The following ANXA13 variants were observed in gnomAD, a reference collection of about 807,000 sequenced individuals.
The protein encoded by ANXA13 is annexin A13.
Under a neutral mutation model 46.6 loss-of-function variants are expected in ANXA13, and 36 were observed. The ratio of observed to expected loss-of-function variants is 0.77; its 90% CI spans 0.59 to 1.02. The LOEUF (loss-of-function observed/expected upper bound fraction) is 1.02. ANXA13 is among the 50% of genes least tolerant of loss of function. The probability of loss-of-function intolerance (pLI) is 0.00; values close to 1 mark genes in which losing one functional copy is unlikely to be tolerated. For missense variants in ANXA13, 417 were observed against 396.5 expected (o/e 1.05, Z -0.44); for synonymous variants, 163 against 152.9 (o/e 1.07, Z -0.49).
Position 123,691,189 on chromosome 8 carries a change from C to T in ANXA13, c.642+2008G>A, listed in dbSNP as rs922933126. Among the ~76,000 whole-genome samples, 33 of 152,218 alleles carry T rather than the reference C, an allele frequency of 2.2e-4. 1 individual carries two copies. Among genetic ancestry groups the T allele is most frequent in the African/African-American group, 7.9e-4 (33 of 41,520 alleles). ...TGAAAATTAAAATTCAACCCTAAGC[C>T]AGGACGACTCATGCCACATAAGAAA... On this transcript the variant is annotated intron_variant, in intron 8 of 10. Coordinates refer to ENST00000419625, the MANE Select transcript of ANXA13 (RefSeq NM_004306.4).
At chr8:123,707,959 C>T (rs772308429) in intron 2 of ANXA13, among the ~76,000 whole-genome samples, 21 of 152,106 alleles carry the variant, frequency 1.4e-4, no homozygotes, top group East Asian at 5.8e-4. Context: ...ACAACCTGGA[C>T]GTCGGGGGAG....
At chr8:123,706,777 A>C (rs568924286) in intron 2 of ANXA13, among the ~76,000 whole-genome samples, 1 of 152,320 alleles carries the variant, frequency 6.6e-6, no homozygotes, top group East Asian at 1.9e-4. Context: ...AGGGGGGCCT[A>C]TGGGGCCTTT....
At chr8:123,720,316 C>T (rs1813838754) in intron 1 of ANXA13, among the ~76,000 whole-genome samples, 1 of 152,106 alleles carries the variant, frequency 6.6e-6, no homozygotes, top group South Asian at 2.1e-4. Flanking sequence ...TTTGCCTGGG[C>T]TTGTTAAGCA....
rs60977556 is a variant in ANXA13, at chr8:123,715,297, T to C, written c.16-2544A>G. Among the ~76,000 whole-genome samples, 501 of 152,362 alleles carry C rather than the reference T, an allele frequency of 3.3e-3. 2 individuals carry two copies. The highest frequency in any genetic ancestry group is 0.012 in the African/African-American group (490 of 41,590). On this transcript the variant is annotated intron_variant, in intron 1 of 10. Transcript: ENST00000419625. ...TGCAGTTGCAGAGGCTGCACACTTA[T>C]AAAGGCCACCCTACTTTTGATCAAA...
intron 8 of ANXA13, among the ~76,000 whole-genome samples, 155 bp downstream of exon 8, chr8:123,693,042 A>G (rs1306215109): frequency 6.6e-6 from 1 of 152,174 alleles, no homozygotes; most frequent in Non-Finnish European, 1.5e-5. Flanking sequence ...AATTCTAGAC[A>G]TTATCAAATA....
At chr8:123,699,159 G>A (rs1299136362) in intron 3 of ANXA13, among the ~76,000 whole-genome samples, 1 of 152,150 alleles carries the variant, frequency 6.6e-6, no homozygotes, top group Non-Finnish European at 1.5e-5. Context: ...AGAAGGGGAA[G>A]TACATGGAAT....
intron 10 of ANXA13, among the ~76,000 whole-genome samples, chr8:123,681,608 C>G (rs1054579866): frequency 1.7e-4 from 25 of 147,906 alleles, no homozygotes; most frequent in Middle Eastern, 3.2e-3. Context: ...TCCACTAAAA[C>G]TCTTGAATTT....
intron 9 of ANXA13, among the ~76,000 whole-genome samples, chr8:123,685,048 T>C (rs1813116121): frequency 6.6e-6 from 1 of 152,224 alleles, no homozygotes; most frequent in Admixed American, 6.5e-5. Flanking sequence ...AAATCTCTGG[T>C]GCTGTCCTAG....
At chr8:123,736,479 A>G (rs542449345) in intron 1 of ANXA13, among the ~76,000 whole-genome samples, 2 of 152,340 alleles carry the variant, frequency 1.3e-5, no homozygotes, top group East Asian at 3.9e-4. Context: ...GAGCCTAAAC[A>G]TTTCAAAAGA....
chr8:123,696,476 TG>T (rs1313692222), intron 4 of ANXA13, among the ~76,000 whole-genome samples: 2 of 152,210 alleles, frequency 1.3e-5, no homozygotes, highest in Non-Finnish European at 2.9e-5. Context: ...TTTCAATGTC[TG>T]GTGCCAAGGG....
chr8:123,689,715 G>C (rs536580157), intron 8 of ANXA13, among the ~76,000 whole-genome samples: 1 of 152,094 alleles, frequency 6.6e-6, no homozygotes, highest in African/African-American at 2.4e-5. Flanking sequence ...AATACTGCCC[G>C]GGCCAAGCTC....
At chr8:123,704,492 G>C (rs376202430) in intron 2 of ANXA13, among the ~76,000 whole-genome samples, 1 of 152,062 alleles carries the variant, frequency 6.6e-6, no homozygotes, top group African/African-American at 2.4e-5. Flanking sequence ...CACCTCCTGG[G>C]TTCAAACAAT....
At chr8:123,734,285 A>G (rs1814199503) in intron 1 of ANXA13, among the ~76,000 whole-genome samples, 1 of 152,154 alleles carries the variant, frequency 6.6e-6, no homozygotes, top group African/African-American at 2.4e-5. Flanking sequence ...CTAGATAGTG[A>G]TTCTTGTGAA....
intron 1 of ANXA13, chr8:123,735,936 C>T: frequency 6.6e-7 from 1 of 1,508,100 alleles, no homozygotes; most frequent in Non-Finnish European, 8.9e-7. Flanking sequence ...CCAGCTGCTC[C>T]CTAGGTTGAC....
In ANXA13 at chr8:123,681,269, G is replaced by A. The variant is rs143112749; in HGVS notation, c.922C>T (p.Arg308Trp). ...TGCAAGAGGGCTACTAGCAGTTTCC[G>A]GAAGTCCCCGGAGGTATCTGAGCGA... ...MVRSDTSGDFRKLLVALLH is the reference protein window; with the variant it reads ...MVRSDTSGDFWKLLVALLH The change falls in exon 11 of 11, where the codon CGG becomes TGG. Residue 308 changes from arginine (R) to tryptophan (W), a missense_variant. Transcript: ENST00000419625. 8.5e-4 allele frequency: 1,379 copies of A among 1,613,908 alleles called. 3 individuals are homozygous for A. Among genetic ancestry groups the A allele is most frequent in the South Asian group, 3.6e-3 (328 of 91,030 alleles).
Position 123,690,789 on chromosome 8 carries a change from C to T in ANXA13, c.643-1843G>A, listed in dbSNP as rs1420093721. 6.6e-6 allele frequency among the ~76,000 whole-genome samples: 1 copy of T among 152,144 alleles called. No homozygotes were observed. Among genetic ancestry groups the T allele is most frequent in the Non-Finnish European group, 1.5e-5 (1 of 68,028 alleles). On this transcript the variant is annotated intron_variant, in intron 8 of 10. Transcript: ENST00000419625. The surrounding 1 kb of genome is among the most constrained non-coding windows in gnomAD (Gnocchi z 4.6). ...TTTCTTTCTTTGAAAATCGGTTTCC[C>T]CAAATGGACGGCACGCTGACAGCAG...
intron 10 of ANXA13, among the ~76,000 whole-genome samples, chr8:123,681,619 C>CTTTTTTTT (rs5894670): frequency 9.3e-6 from 1 of 107,038 alleles, no homozygotes; most frequent in Non-Finnish European, 1.9e-5. Context: ...TCTTGAATTT[C>CTTTTTTTT]TTTTTTTTTT....
intron 1 of ANXA13, among the ~76,000 whole-genome samples, chr8:123,716,928 G>T (rs1299758608): frequency 6.6e-6 from 1 of 152,184 alleles, no homozygotes; most frequent in South Asian, 2.1e-4. Flanking sequence ...CCAGGATGGG[G>T]TCTGACAAGC....
At chr8:123,697,285 C>T (rs147469610) in intron 4 of ANXA13, among the ~76,000 whole-genome samples, 2 of 152,308 alleles carry the variant, frequency 1.3e-5, no homozygotes, top group African/African-American at 4.8e-5. Flanking sequence ...TGCCTCCCTG[C>T]TGGGACCTTG....
Sources: allele counts gnomAD v4.1 joint callset (sites outside exome capture counted in the v4.1 genomes callset), GRCh38; gene constraint gnomAD v4.1.1; non-coding constraint Gnocchi (gnomAD v3.1); transcripts MANE v1.5; gene names NCBI Gene and HGNC (gene_info 2026-07-23, HGNC 2026-07-21).